Variants in TMBIM6 observed in about 807,000 individuals in gnomAD.
TMBIM6 encodes the protein bax inhibitor 1.
In TMBIM6, 13 loss-of-function variants were observed where a neutral mutation model predicts 31.4. That is an observed-to-expected ratio of 0.41 (90% CI 0.27 to 0.66). The LOEUF is 0.66. Among genes scored for constraint, TMBIM6 ranks in the 30% least tolerant of loss-of-function variants. The pLI, the probability that TMBIM6 is intolerant of heterozygous loss-of-function variation, is 0.28. For synonymous variants in TMBIM6, 85 were observed against 101.7 expected (o/e 0.84, Z 0.99); for missense variants, 275 against 289.5 (o/e 0.95, Z 0.36).
At chr12:49,758,095 G>T (rs1347391444) in intron 4 of TMBIM6, 132 bp from the exon 5 acceptor site, 1 of 931,782 alleles carries the variant, frequency 1.1e-6, no homozygotes, top group Admixed American at 2.2e-5. Context: ...CAGCGGAGGG[G>T]AGAGAGATTT....
At position 49,764,158 on chromosome 12, in the gene TMBIM6, G is replaced by C. The variant is rs569744587; in HGVS notation, c.*1262G>C. The C allele has an allele frequency of 6.6e-6, 1 of 151,856 alleles. No individual in the cohort carries two copies. The highest frequency in any genetic ancestry group is 2.4e-5 in the African/African-American group (1 of 41,144). The allele number at this position is 151,856 out of a possible 1,614,324, so 9.4% of individuals were successfully genotyped here. ...TCCCTGCAGTTTTGTGGCTTCAAGT[G>C]TGGGTGGACAGTCCTAATGGGGATC... On this transcript the variant is annotated 3_prime_UTR_variant, in exon 10 of 10. Coordinates refer to ENST00000267115, the MANE Select transcript of TMBIM6 (RefSeq NM_003217.3).
chr12:49,742,599 A>C (rs1945317442), intron 1 of TMBIM6: 5 of 223,632 alleles, frequency 2.2e-5, no homozygotes, highest in Non-Finnish European at 4.4e-5. Context: ...AAGGATTTTA[A>C]GGTCAAAGGT....
Position 49,758,481 on chromosome 12 carries a change from G to GT in TMBIM6, c.433+2dup. 1.2e-6 allele frequency: 2 copies of GT among 1,614,096 alleles called. No individual in the cohort carries two copies. Among genetic ancestry groups the GT allele is most frequent in the Non-Finnish European group, 1.7e-6 (2 of 1,179,966 alleles). On this transcript the variant is annotated splice_donor_variant, in intron 6 of 9. Coordinates refer to ENST00000267115, the MANE Select transcript of TMBIM6 (RefSeq NM_003217.3). LOFTEE classifies it high-confidence loss of function. ...CGCCGTAGCTACCTCTTTCTGGGAG[G>GT]TAAGTGTGAACTGGGAAACAGGGAA... is the stretch of plus-strand genomic sequence containing the variant.
In TMBIM6 at chr12:49,764,892, A is replaced by G. The variant is rs543305737; in HGVS notation, c.*1996A>G. On this transcript the variant is annotated 3_prime_UTR_variant, in exon 10 of 10. Coordinates refer to ENST00000267115, the MANE Select transcript of TMBIM6 (RefSeq NM_003217.3). ...TGATTCAGAAATATATGAAATCTGC[A>G]TAGTCTTAATTTGTAAAAAATAAAG... 2 of 152,296 alleles carry G rather than the reference A, an allele frequency of 1.3e-5. No homozygotes were observed. Among genetic ancestry groups the G allele is most frequent in the African/African-American group, 4.8e-5 (2 of 41,566 alleles). The allele number at this position is 152,296 out of a possible 1,614,324, so 9.4% of individuals were successfully genotyped here.
At chr12:49,742,358 G>A in intron 1 of TMBIM6, 1 of 1,496,680 alleles carries the variant, frequency 6.7e-7, no homozygotes, top group Non-Finnish European at 8.9e-7. Context: ...GCGTCGTTGG[G>A]CAGTTTTTAT....
At chr12:49,750,233 G>A (rs1295053958) in intron 1 of TMBIM6, among the ~76,000 whole-genome samples, 2 of 152,178 alleles carry the variant, frequency 1.3e-5, no homozygotes, top group Non-Finnish European at 2.9e-5. Context: ...AACAGATTCC[G>A]CCAAGCAGGG....
At chr12:49,762,583 G>A (rs535610624) in intron 9 of TMBIM6, among the ~76,000 whole-genome samples, 1 of 152,266 alleles carries the variant, frequency 6.6e-6, no homozygotes, top group Non-Finnish European at 1.5e-5. Context: ...TGGGATCTGA[G>A]CTGTAGTGGC....
chr12:49,742,385 G>A, intron 1 of TMBIM6: 2 of 1,412,202 alleles, frequency 1.4e-6, no homozygotes, highest in Non-Finnish European at 1.9e-6. Flanking sequence ...CCTACTTGCT[G>A]GACCTGTGGT....
chr12:49,756,075 C>T (rs1313832605), intron 4 of TMBIM6, among the ~76,000 whole-genome samples: 3 of 151,700 alleles, frequency 2.0e-5, no homozygotes, highest in South Asian at 2.1e-4. Flanking sequence ...CCTCATGATC[C>T]GCCCGTCTCG....
At chr12:49,761,111 C>A (rs1945710841) in intron 8 of TMBIM6, among the ~76,000 whole-genome samples, 4 of 152,250 alleles carry the variant, frequency 2.6e-5, no homozygotes, top group South Asian at 4.1e-4. Context: ...GCTGGGATTA[C>A]AGGTGTGAGC....
At position 49,759,231 on chromosome 12, in the gene TMBIM6, A is replaced by T. The variant is rs757393612; in HGVS notation, c.524A>T (p.Tyr175Phe). Residue 175 changes from tyrosine (Y) to phenylalanine (F), a missense_variant, in exon 8 of 10, where the codon TAT (tyrosine) becomes TTT (phenylalanine). Transcript: ENST00000267115. ...GSIWLFQANL[Y>F]VGLVVMCGFV... The stretch of plus-strand genomic sequence containing the variant: ...TCTTACATTTGTTAGGCAAACCTGT[A>T]TGTGGGACTGGTGGTCATGTGTGGC... 6.2e-7 allele frequency: 1 copy of T among 1,614,016 alleles called. No homozygotes were observed. Among genetic ancestry groups the T allele is most frequent in the South Asian group, 1.1e-5 (1 of 91,082 alleles).
At chr12:49,748,401 C>T (rs1218654646) in intron 1 of TMBIM6, among the ~76,000 whole-genome samples, 1 of 152,146 alleles carries the variant, frequency 6.6e-6, no homozygotes, top group Admixed American at 6.6e-5. Flanking sequence ...AAAAGCAGAC[C>T]ACAGGAATAT....
chr12:49,759,180 A>T, intron 7 of TMBIM6, 41 bp from the exon 8 acceptor site: 1 of 1,552,946 alleles, frequency 6.4e-7, no homozygotes, highest in South Asian at 1.1e-5. Context: ...TTTTCTCTGC[A>T]ACTTCTGCTG....
intron 6 of TMBIM6, 80 bp from the exon 7 acceptor site, chr12:49,758,603 G>T: frequency 6.4e-7 from 1 of 1,557,970 alleles, no homozygotes. Flanking sequence ...CATTCTGGGG[G>T]AAGTTAAGGA....
At chr12:49,753,723 T>G (rs1450763647) in intron 3 of TMBIM6, among the ~76,000 whole-genome samples, 1 of 152,214 alleles carries the variant, frequency 6.6e-6, no homozygotes. Flanking sequence ...TATCCTTATG[T>G]TCAGGCATCT....
At chr12:49,746,326 C>G (rs982456950) in intron 1 of TMBIM6, among the ~76,000 whole-genome samples, 1 of 151,934 alleles carries the variant, frequency 6.6e-6, no homozygotes, top group South Asian at 2.1e-4. Context: ...TCAAGTGATC[C>G]GCCTGCCTCA....
intron 8 of TMBIM6, among the ~76,000 whole-genome samples, chr12:49,760,753 C>CA (rs997278867): frequency 3.3e-5 from 5 of 151,524 alleles, no homozygotes; most frequent in Non-Finnish European, 7.4e-5. Flanking sequence ...CCCGTGAGGA[C>CA]ATGGTGTCGA....
At chr12:49,757,457 A>G (rs562944698) in intron 4 of TMBIM6, among the ~76,000 whole-genome samples, 20 of 152,330 alleles carry the variant, frequency 1.3e-4, no homozygotes, top group African/African-American at 3.4e-4. Flanking sequence ...ATTGAGATCT[A>G]TTGTGCAGGA....
chr12:49,749,054 T>TTA (rs1945446787), intron 1 of TMBIM6, among the ~76,000 whole-genome samples: 1 of 152,230 alleles, frequency 6.6e-6, no homozygotes, highest in Non-Finnish European at 1.5e-5. Context: ...TAAGTGCAAC[T>TTA]TAATCTTGTT....
Sources: allele counts gnomAD v4.1 joint callset (sites outside exome capture counted in the v4.1 genomes callset), GRCh38; gene constraint gnomAD v4.1.1; transcripts MANE v1.5; gene names NCBI Gene and HGNC (gene_info 2026-07-23, HGNC 2026-07-21).